Variants in LRRTM4 observed in about 807,000 individuals in gnomAD.
LRRTM4 encodes the protein leucine-rich repeat transmembrane neuronal protein 4.
In LRRTM4, 25 loss-of-function variants were observed where a neutral mutation model predicts 47.6. The ratio of observed to expected loss-of-function variants is 0.53; its 90% CI spans 0.38 to 0.73. The LOEUF (loss-of-function observed/expected upper bound fraction) is 0.73. Ranked by LOEUF, LRRTM4 falls within the 30% of genes least tolerant of loss-of-function variation. LRRTM4 has a pLI of 0.00. For synonymous variants in LRRTM4, 311 were observed against 269.5 expected (o/e 1.15, Z -1.51); for missense variants, 638 against 713.4 (o/e 0.89, Z 1.20).
chr2:77,087,157 T>TAC (rs1218567445), intron 3 of LRRTM4, among the ~76,000 whole-genome samples: 2 of 152,208 alleles, frequency 1.3e-5, no homozygotes, highest in Admixed American at 1.3e-4. Context: ...ATAATGGCTC[T>TAC]GTAGACAGGA....
chr2:77,066,384 A>AAT (rs1679957357), intron 3 of LRRTM4, among the ~76,000 whole-genome samples: 1 of 152,202 alleles, frequency 6.6e-6, no homozygotes, highest in South Asian at 2.1e-4. Context: ...CAAAAAGACT[A>AAT]ATAGCATCAT....
chr2:77,083,360 G>A (rs1439136326), intron 3 of LRRTM4, among the ~76,000 whole-genome samples: 1 of 151,960 alleles, frequency 6.6e-6, no homozygotes, highest in Admixed American at 6.6e-5. Context: ...AAATTCTCAG[G>A]GATTCTTAAA....
intron 3 of LRRTM4, among the ~76,000 whole-genome samples, chr2:76,875,507 A>C (rs1395285302): frequency 6.6e-6 from 1 of 152,126 alleles, no homozygotes; most frequent in African/African-American, 2.4e-5. Context: ...AATTGAGTAA[A>C]TGAGTGAATG....
intron 3 of LRRTM4, among the ~76,000 whole-genome samples, chr2:76,939,027 G>A (rs1675047111): frequency 6.6e-6 from 1 of 151,716 alleles, no homozygotes; most frequent in Admixed American, 6.6e-5. Flanking sequence ...ATAAGTTAGG[G>A]GAATCTAGAA....
At chr2:77,152,528 C>T (rs1322215052) in intron 3 of LRRTM4, among the ~76,000 whole-genome samples, 2 of 151,984 alleles carry the variant, frequency 1.3e-5, no homozygotes, top group Non-Finnish European at 2.9e-5. Flanking sequence ...CGGGGTTTCA[C>T]CGTGTTAGCC....
intron 3 of LRRTM4, among the ~76,000 whole-genome samples, chr2:76,895,819 G>A (rs182689729): frequency 6.6e-6 from 1 of 152,100 alleles, no homozygotes; most frequent in East Asian, 1.9e-4. Flanking sequence ...GTCTGTGGAG[G>A]GTGGTAACAC....
chr2:76,886,712 G>A (rs967949616), intron 3 of LRRTM4, among the ~76,000 whole-genome samples: 1 of 151,790 alleles, frequency 6.6e-6, no homozygotes, highest in African/African-American at 2.4e-5. Flanking sequence ...CTTAGAAAGC[G>A]AAGTGGCTGA....
In LRRTM4 at chr2:77,362,100, G is replaced by GGAAAGAAAGAGA. The variant is rs1553434320; in HGVS notation, c.1551+156217_1551+156218insTCTCTTTCTTTC. On this transcript the variant is annotated intron_variant, in intron 3 of 3. Transcript: ENST00000409884. The stretch of plus-strand genomic sequence containing the variant: ...TAGACTCAGTCTCAAAAAAGGAAAA[G>GGAAAGAAAGAGA]GAAAGAAAGAAAGAGAGAAAGAAAG... Among the ~76,000 whole-genome samples the GGAAAGAAAGAGA allele has an allele frequency of 3.4e-3, 199 of 58,598 alleles. 2 individuals carry two copies. The highest frequency in any genetic ancestry group is 0.014 in the African/African-American group (184 of 13,624). 38.4% of individuals were successfully genotyped at this position (58,598 alleles called of 152,430 possible).
chr2:76,993,121 C>G (rs1383148258), intron 3 of LRRTM4, among the ~76,000 whole-genome samples: 1 of 151,772 alleles, frequency 6.6e-6, no homozygotes, highest in Non-Finnish European at 1.5e-5. Context: ...AAAAATAACT[C>G]AAGATGGTCT....
In LRRTM4 at chr2:76,748,925, G is replaced by A. The variant is rs373907378; in HGVS notation, c.1552-9C>T. On this transcript the variant is annotated splice_polypyrimidine_tract_variant and intron_variant, in intron 3 of 3. Coordinates refer to ENST00000409884, the MANE Select transcript of LRRTM4 (RefSeq NM_001134745.3). Reference sequence around the variant, plus strand: ...TTCATGTGGTGTGGCATCTGGATATGAGAAATAGAAAGATGGGTGGATTAT... The same window carrying A: ...TTCATGTGGTGTGGCATCTGGATATAAGAAATAGAAAGATGGGTGGATTAT... The A allele has an allele frequency of 1.6e-5, 25 of 1,608,928 alleles. 1 individual carries two copies. Among genetic ancestry groups the A allele is most frequent in the African/African-American group, 1.5e-4 (11 of 74,958 alleles).
At chr2:76,762,496 G>T (rs148508975) in intron 3 of LRRTM4, among the ~76,000 whole-genome samples, 131 of 152,290 alleles carry the variant, frequency 8.6e-4, no homozygotes, top group Non-Finnish European at 2.9e-5. Context: ...TTCAATGAAT[G>T]TGTGTCGCTT....
At chr2:77,381,649 G>C (rs545298099) in intron 3 of LRRTM4, among the ~76,000 whole-genome samples, 165 of 152,072 alleles carry the variant, frequency 1.1e-3, no homozygotes, top group Non-Finnish European at 1.9e-3. Context: ...TATAGATAAT[G>C]AGAATTTGGA....
chr2:77,252,932 A>G (rs1036328508), intron 3 of LRRTM4, among the ~76,000 whole-genome samples: 5 of 152,120 alleles, frequency 3.3e-5, no homozygotes, highest in African/African-American at 7.2e-5. Flanking sequence ...CTATGCCTTC[A>G]TATGGTCGTT....
intron 3 of LRRTM4, among the ~76,000 whole-genome samples, chr2:77,137,097 C>G (rs767449083): frequency 6.6e-6 from 1 of 151,768 alleles, no homozygotes; most frequent in Non-Finnish European, 1.5e-5. Context: ...CAAGGCAGGT[C>G]AACATTCAAA....
intron 3 of LRRTM4, among the ~76,000 whole-genome samples, chr2:77,252,749 C>T (rs1192070225): frequency 2.6e-5 from 4 of 151,978 alleles, no homozygotes; most frequent in Admixed American, 6.6e-5. Context: ...AAAAACGTTG[C>T]GTGCCTCTGA....
At chr2:77,455,502 C>T (rs530043735) in intron 3 of LRRTM4, among the ~76,000 whole-genome samples, 1 of 152,166 alleles carries the variant, frequency 6.6e-6, no homozygotes, top group Admixed American at 6.5e-5. Context: ...GGCTTGCCTC[C>T]AACATACCAC....
intron 3 of LRRTM4, among the ~76,000 whole-genome samples, chr2:76,775,318 C>T (rs1390858663): frequency 2.0e-5 from 3 of 152,014 alleles, no homozygotes; most frequent in East Asian, 1.9e-4. Flanking sequence ...CTATATAGTA[C>T]CATGTGTAAT....
At chr2:77,186,426 T>C (rs1170522680) in intron 3 of LRRTM4, among the ~76,000 whole-genome samples, 1 of 152,182 alleles carries the variant, frequency 6.6e-6, no homozygotes, top group African/African-American at 2.4e-5. Flanking sequence ...TTTATGCTCC[T>C]GGGTAGTGGG....
chr2:77,088,236 A>G (rs1319979107), intron 3 of LRRTM4, among the ~76,000 whole-genome samples: 1 of 152,216 alleles, frequency 6.6e-6, no homozygotes, highest in Non-Finnish European at 1.5e-5. Context: ...GGTATCACAC[A>G]GAACAGCCTG....
Sources: gnomAD v4.1 joint callset for allele counts (sites outside exome capture counted in the v4.1 genomes callset) on GRCh38, gnomAD v4.1.1 for gene constraint, MANE v1.5 for transcripts, NCBI Gene and HGNC (gene_info 2026-07-23, HGNC 2026-07-21) for gene names.